KIRREL3: variants seen among roughly 807,000 people sequenced by gnomAD.
KIRREL3 encodes the protein kin of IRRE-like protein 3.
In KIRREL3, 36 loss-of-function variants were observed where a neutral mutation model predicts 89.7. That is an observed-to-expected ratio of 0.40 (90% CI 0.31 to 0.53). The LOEUF (loss-of-function observed/expected upper bound fraction) is 0.53. Ranked by LOEUF, KIRREL3 falls within the 20% of genes least tolerant of loss-of-function variation. The pLI, the probability that KIRREL3 is intolerant of heterozygous loss-of-function variation, is 0.49. For synonymous variants in KIRREL3, 445 were observed against 441.4 expected (o/e 1.01, Z -0.10); for missense variants, 864 against 1,056.6 (o/e 0.82, Z 2.53).
chr11:126,939,374 TG>T (rs1217686309), intron 1 of KIRREL3, among the ~76,000 whole-genome samples: 3 of 152,168 alleles, frequency 2.0e-5, no homozygotes, highest in Non-Finnish European at 2.9e-5. Context: ...CTCTTAAACA[TG>T]GGGCATCCAG....
intron 1 of KIRREL3, among the ~76,000 whole-genome samples, chr11:126,698,767 C>T (rs919114195): frequency 1.3e-5 from 2 of 152,252 alleles, no homozygotes; most frequent in African/African-American, 4.8e-5. Flanking sequence ...CTCTGAGTGA[C>T]TCCAACTGCC....
In KIRREL3 at chr11:126,635,378, AG is replaced by A. The variant is rs1298474878; in HGVS notation, c.56-72467del. ...GTGATATATACAGAGGTTAGACCTCAGGGTTATGTTATGGATTGGAGGGAGC... is the reference window on the plus strand; with the variant it reads ...GTGATATATACAGAGGTTAGACCTCAGGTTATGTTATGGATTGGAGGGAGC... On this transcript the variant is annotated intron_variant, in intron 1 of 16. Transcript: ENST00000525144. This position sits in a 1 kb window ranked among gnomAD's most constrained non-coding sequence, Gnocchi z 4.0. 1.1e-4 allele frequency among the ~76,000 whole-genome samples: 16 copies of A among 152,332 alleles called. No homozygotes were observed. Among genetic ancestry groups the A allele is most frequent in the Non-Finnish European group, 2.2e-4 (15 of 68,028 alleles).
chr11:126,511,451 A>G (rs910973414), intron 4 of KIRREL3, among the ~76,000 whole-genome samples: 2 of 152,200 alleles, frequency 1.3e-5, no homozygotes, highest in African/African-American at 4.8e-5. Flanking sequence ...CAGCAGCAAG[A>G]TAACAAAGCT....
intron 1 of KIRREL3, among the ~76,000 whole-genome samples, chr11:126,727,254 C>G (rs796928344): frequency 3.3e-5 from 5 of 152,368 alleles, no homozygotes; most frequent in African/African-American, 9.6e-5. Context: ...TGGCCACTCT[C>G]CCTGCACAGA....
rs1052362401 is a variant in KIRREL3 at position 126,891,045 on chromosome 11, C to T, written c.55+109410G>A. On this transcript the variant is annotated intron_variant, in intron 1 of 16. Coordinates refer to ENST00000525144, the MANE Select transcript of KIRREL3 (RefSeq NM_032531.4). The surrounding 1 kb of genome is among the most constrained non-coding windows in gnomAD (Gnocchi z 5.1). ...GTAATTTTCAAAGGCCCATCACCCT[C>T]TTTGAGTTTGCCCTTAGATCTTCAG... Among the ~76,000 whole-genome samples the T allele has an allele frequency of 2.0e-5, 3 of 152,200 alleles. No homozygotes were observed. The highest frequency in any genetic ancestry group is 7.2e-5 in the African/African-American group (3 of 41,454).
At chr11:126,967,757 A>G (rs1949312624) in intron 1 of KIRREL3, among the ~76,000 whole-genome samples, 1 of 151,470 alleles carries the variant, frequency 6.6e-6, no homozygotes, top group Admixed American at 6.6e-5. Context: ...ATTTTCTCCC[A>G]CTCCCTCCCT....
chr11:126,732,251 C>T (rs1288732356), intron 1 of KIRREL3, among the ~76,000 whole-genome samples: 1 of 152,180 alleles, frequency 6.6e-6, no homozygotes, highest in Non-Finnish European at 1.5e-5. Context: ...ATTAACAATA[C>T]AGTGATTTCA....
At chr11:126,556,936 G>A (rs1022783223) in intron 2 of KIRREL3, among the ~76,000 whole-genome samples, 1 of 152,166 alleles carries the variant, frequency 6.6e-6, no homozygotes, top group Admixed American at 6.5e-5. Context: ...ACATCAGTAA[G>A]AAAAATGAAT....
intron 1 of KIRREL3, among the ~76,000 whole-genome samples, chr11:126,921,942 C>T (rs1390371155): frequency 6.6e-6 from 1 of 151,462 alleles, no homozygotes; most frequent in East Asian, 2.0e-4. Context: ...GCCTTCCTGT[C>T]TTCCTATCAT....
chr11:126,816,037 C>A (rs867222168), intron 1 of KIRREL3, among the ~76,000 whole-genome samples: 33 of 152,180 alleles, frequency 2.2e-4, no homozygotes, highest in Admixed American at 2.6e-4. Context: ...TAAATAACCT[C>A]TTTCCTTGTT....
chr11:126,656,815 G>A lies in KIRREL3; in HGVS notation c.56-93903C>T, dbSNP rs567438222. ...GCCTGTGGTCCCAGCACTTTGGGAG[G>A]CCAAGGTGTGTGCATCGCTTGGGGC... On this transcript the variant is annotated intron_variant, in intron 1 of 16. Coordinates refer to ENST00000525144, the MANE Select transcript of KIRREL3 (RefSeq NM_032531.4). The surrounding 1 kb of genome is among the most constrained non-coding windows in gnomAD (Gnocchi z 4.0). 2.0e-5 allele frequency among the ~76,000 whole-genome samples: 3 copies of A among 152,300 alleles called. No homozygotes were observed. Among genetic ancestry groups the A allele is most frequent in the African/African-American group, 7.2e-5 (3 of 41,576 alleles).
intron 1 of KIRREL3, among the ~76,000 whole-genome samples, chr11:126,799,869 C>G (rs1289643334): frequency 1.3e-5 from 2 of 152,132 alleles, no homozygotes; most frequent in South Asian, 2.1e-4. Flanking sequence ...GCAAATACAC[C>G]TAAAAGCGCA....
At chr11:126,973,167 C>T (rs917982980) in intron 1 of KIRREL3, among the ~76,000 whole-genome samples, 3 of 104,022 alleles carry the variant, frequency 2.9e-5, no homozygotes, top group East Asian at 2.9e-4. Context: ...ATGTTAGTCA[C>T]GGGTTTCTGA....
chr11:126,915,299 C>T (rs1036058125), intron 1 of KIRREL3, among the ~76,000 whole-genome samples: 2 of 152,118 alleles, frequency 1.3e-5, no homozygotes, highest in Non-Finnish European at 2.9e-5. Context: ...CATTCTTCCC[C>T]CACTCCCAGC....
intron 1 of KIRREL3, among the ~76,000 whole-genome samples, chr11:126,662,182 T>C (rs948107338): frequency 6.6e-6 from 1 of 152,182 alleles, no homozygotes; most frequent in African/African-American, 2.4e-5. Context: ...CACAGAGGCT[T>C]CGGGCAACTG....
intron 1 of KIRREL3, among the ~76,000 whole-genome samples, chr11:126,604,252 A>G (rs544097102): frequency 2.0e-5 from 3 of 152,330 alleles, no homozygotes; most frequent in South Asian, 4.1e-4. Flanking sequence ...CAGAGCTGAC[A>G]GGGGTGAGTG....
chr11:126,770,148 G>T (rs1354084956), intron 1 of KIRREL3, among the ~76,000 whole-genome samples: 4 of 152,094 alleles, frequency 2.6e-5, no homozygotes, highest in African/African-American at 4.8e-5. Context: ...CCTGAGTTGG[G>T]GGGGAATTTG....
intron 4 of KIRREL3, among the ~76,000 whole-genome samples, chr11:126,503,812 T>C (rs1957938251): frequency 6.7e-6 from 1 of 150,346 alleles, no homozygotes; most frequent in South Asian, 2.1e-4. Context: ...TGTCTCTCTC[T>C]CTCCTTCCTT....
chr11:126,735,864 A>G (rs1309877308), intron 1 of KIRREL3, among the ~76,000 whole-genome samples: 1 of 152,238 alleles, frequency 6.6e-6, no homozygotes, highest in Non-Finnish European at 1.5e-5. Context: ...TCTTAATTTA[A>G]AGGCAAAAAT....
Sources: gnomAD v4.1 joint callset for allele counts (sites outside exome capture counted in the v4.1 genomes callset) on GRCh38, gnomAD v4.1.1 for gene constraint, Gnocchi (gnomAD v3.1) non-coding constraint, MANE v1.5 for transcripts, NCBI Gene and HGNC (gene_info 2026-07-23, HGNC 2026-07-21) for gene names.